The following PRDM11 variants were observed in gnomAD, a reference collection of about 807,000 sequenced individuals.
The protein encoded by PRDM11 is PR/SET domain 11, also known as PR domain-containing protein 11.
PRDM11 carries 20 observed loss-of-function variants against 97.8 expected under a neutral mutation model. That is an observed-to-expected ratio of 0.20 (90% CI 0.14 to 0.30). The LOEUF (loss-of-function observed/expected upper bound fraction) is 0.30. Among genes scored for constraint, PRDM11 ranks in the 10% least tolerant of loss-of-function variants. The pLI is 1.00. For missense variants in PRDM11, 1,139 were observed against 1,555.2 expected (o/e 0.73, Z 4.50); for synonymous variants, 599 against 637.7 (o/e 0.94, Z 0.91).
At chr11:45,210,813 C>G (rs933444446) in intron 5 of PRDM11, among the ~76,000 whole-genome samples, 1 of 152,180 alleles carries the variant, frequency 6.6e-6, no homozygotes, top group African/African-American at 2.4e-5. Context: ...GACTTGAACC[C>G]GGGTCTGCTG....
At chr11:45,094,256 C>T (rs1851852156), upstream of PRDM11, among the ~76,000 whole-genome samples, 2 of 152,116 alleles carry the variant, frequency 1.3e-5, no homozygotes, top group Non-Finnish European at 2.9e-5. Context: ...TGGCAGGTAG[C>T]AGGAGGTGAG....
chr11:45,096,032 G>T (rs773271012), intron 1 of PRDM11: 14 of 680,330 alleles, frequency 2.1e-5, no homozygotes, highest in Admixed American at 8.6e-5. Context: ...ATTAAAGCCC[G>T]CATTGTCCTT....
At chr11:45,165,098 T>G (rs1167687685) in intron 1 of PRDM11, among the ~76,000 whole-genome samples, 1 of 152,090 alleles carries the variant, frequency 6.6e-6, no homozygotes, top group Non-Finnish European at 1.5e-5. Flanking sequence ...CCAGATCGCA[T>G]AGTTAGTAAG....
intron 1 of PRDM11, among the ~76,000 whole-genome samples, chr11:45,111,456 G>A (rs915116238): frequency 3.3e-5 from 5 of 152,154 alleles, no homozygotes; most frequent in African/African-American, 1.2e-4. Context: ...CTCTCATCTG[G>A]AAGCAGCTGG....
At chr11:45,133,729 A>G (rs529538468) in intron 1 of PRDM11, among the ~76,000 whole-genome samples, 49 of 152,282 alleles carry the variant, frequency 3.2e-4, no homozygotes, top group Non-Finnish European at 6.6e-4. Flanking sequence ...CAGATCCCCA[A>G]CGGGCACATA....
Position 45,213,327 on chromosome 11 carries a change from G to A in PRDM11, c.555-6243G>A, listed in dbSNP as rs187891779. The A allele has an allele frequency of 3.1e-4, 143 of 455,530 alleles. 1 individual carries two copies. The highest frequency in any genetic ancestry group is 2.1e-3 in the African/African-American group (106 of 50,158). 28.2% of individuals were successfully genotyped at this position (455,530 alleles called of 1,614,324 possible). The stretch of plus-strand genomic sequence containing the variant: ...CTCCTCTTGGTCTGTGTCCCGTGGT[G>A]GCAGGCCTTGCAGGGAGGGGGGCGC... On this transcript the variant is annotated intron_variant, in intron 5 of 7. Coordinates refer to ENST00000683152, the MANE Select transcript of PRDM11 (RefSeq NM_001384648.1).
chr11:45,191,572 T>C (rs545687884), intron 4 of PRDM11, among the ~76,000 whole-genome samples: 2 of 152,316 alleles, frequency 1.3e-5, no homozygotes, highest in South Asian at 4.1e-4. Context: ...ATGTTTAAAT[T>C]GCCCTAGATT....
Position 45,219,339 on chromosome 11 carries a change from T to G in PRDM11, c.555-231T>G, listed in dbSNP as rs1032910170. The stretch of plus-strand genomic sequence containing the variant: ...ATCCAGTCTCAGAAAACAGAGATTC[T>G]TAGAGGTTTGGAGATCTGCTTGAGG... On this transcript the variant is annotated intron_variant, in intron 5 of 7. Coordinates refer to ENST00000683152, the MANE Select transcript of PRDM11 (RefSeq NM_001384648.1). This position sits in a 1 kb window ranked among gnomAD's most constrained non-coding sequence, Gnocchi z 4.2. 1.3e-5 allele frequency among the ~76,000 whole-genome samples: 2 copies of G among 152,150 alleles called. No homozygotes were observed. Among genetic ancestry groups the G allele is most frequent in the Admixed American group, 1.3e-4 (2 of 15,276 alleles).
intron 1 of PRDM11, among the ~76,000 whole-genome samples, chr11:45,126,267 T>G (rs892302365): frequency 3.4e-4 from 51 of 152,144 alleles, no homozygotes; most frequent in African/African-American, 1.1e-3. Context: ...TACAGCACTC[T>G]GATGAGTCTT....
At chr11:45,182,825 C>G in intron 3 of PRDM11, 36 bp from the exon 4 acceptor site, 1 of 1,540,002 alleles carries the variant, frequency 6.5e-7, no homozygotes, top group East Asian at 2.3e-5. Context: ...CTCCCTGCAA[C>G]AACTGAGGCC....
At chr11:45,108,110 G>A (rs924200454) in intron 1 of PRDM11, among the ~76,000 whole-genome samples, 9 of 152,162 alleles carry the variant, frequency 5.9e-5, no homozygotes, top group Non-Finnish European at 1.3e-4. Context: ...TTACAAGCGT[G>A]AGCCACTGCA....
At chr11:45,095,754 G>A, upstream of PRDM11, 1 of 701,542 alleles carries the variant, frequency 1.4e-6, no homozygotes, top group Non-Finnish European at 2.6e-6. Context: ...GATGGCCGCA[G>A]ATACGATGGC....
intron 5 of PRDM11, among the ~76,000 whole-genome samples, chr11:45,215,340 A>G (rs904490130): frequency 1.3e-5 from 2 of 152,174 alleles, no homozygotes; most frequent in Non-Finnish European, 2.9e-5. Context: ...TTGCCCACAG[A>G]TCCCCTTTCT....
chr11:45,220,985 T>G (rs1003448429), intron 6 of PRDM11, among the ~76,000 whole-genome samples: 1 of 152,184 alleles, frequency 6.6e-6, no homozygotes, highest in Non-Finnish European at 1.5e-5. Context: ...GAACCAAGGC[T>G]GTTCCCAAGC....
At chr11:45,173,622 CAAAAAA>C (rs1163035481) in intron 1 of PRDM11, among the ~76,000 whole-genome samples, 3 of 68,382 alleles carry the variant, frequency 4.4e-5, no homozygotes, top group African/African-American at 9.3e-5. Context: ...AACACCGCGT[CAAAAAA>C]AAAAAAAAAA....
At chr11:45,183,204 A>G in intron 4 of PRDM11, 81 bp downstream of exon 4, 1 of 1,487,266 alleles carries the variant, frequency 6.7e-7, no homozygotes, top group Non-Finnish European at 9.0e-7. Context: ...ATACTGGCCC[A>G]GCTTGGCCCC....
upstream of PRDM11, among the ~76,000 whole-genome samples, chr11:45,145,724 T>C (rs181929718): frequency 5.3e-5 from 8 of 152,278 alleles, no homozygotes; most frequent in East Asian, 1.5e-3. Context: ...AAGGGGTTGA[T>C]TGGGGAATGG....
intron 6 of PRDM11, among the ~76,000 whole-genome samples, chr11:45,221,570 C>A (rs1422710514): frequency 6.6e-6 from 1 of 152,076 alleles, no homozygotes; most frequent in African/African-American, 2.4e-5. Flanking sequence ...CTCCAGAGCA[C>A]CTGAAGCTGC....
At chr11:45,118,060 G>C (rs921753183) in intron 1 of PRDM11, among the ~76,000 whole-genome samples, 4 of 151,692 alleles carry the variant, frequency 2.6e-5, no homozygotes, top group Non-Finnish European at 4.4e-5. Flanking sequence ...TCCAACAGTG[G>C]GACATCCTAC....
Sources: allele counts gnomAD v4.1 joint callset (sites outside exome capture counted in the v4.1 genomes callset), GRCh38; gene constraint gnomAD v4.1.1; non-coding constraint Gnocchi (gnomAD v3.1); transcripts MANE v1.5; gene names NCBI Gene and HGNC (gene_info 2026-07-23, HGNC 2026-07-21).